STK31: variants seen among roughly 807,000 people sequenced by gnomAD.
The protein encoded by STK31 is serine/threonine kinase 31.
STK31 carries 89 observed loss-of-function variants against 129.7 expected under a neutral mutation model. The ratio of observed to expected loss-of-function variants is 0.69; its 90% confidence interval spans 0.58 to 0.82. STK31 has a LOEUF of 0.82. Among genes scored for constraint, STK31 ranks in the 40% least tolerant of loss-of-function variants. The pLI is 0.00. For missense variants in STK31, 1,187 were observed against 1,176.4 expected (o/e 1.01, Z -0.13); for synonymous variants, 448 against 395.3 (o/e 1.13, Z -1.58).
At chr7:23,710,808 G>T (rs1785908747) in intron 1 of STK31, 2 of 1,010,554 alleles carry the variant, frequency 2.0e-6, no homozygotes, top group African/African-American at 1.7e-5. Context: ...AACTACTCTA[G>T]AAGTAGCTTC....
chr7:23,831,834 C>T (rs375073259), intron 23 of STK31, among the ~76,000 whole-genome samples: 2 of 152,258 alleles, frequency 1.3e-5, no homozygotes, highest in East Asian at 3.9e-4. Context: ...CTGTGTTGGC[C>T]AGGCTAGTCT....
intron 6 of STK31, among the ~76,000 whole-genome samples, chr7:23,731,944 A>G (rs1787457777): frequency 6.6e-6 from 1 of 152,252 alleles, no homozygotes; most frequent in African/African-American, 2.4e-5. Context: ...ATATATTTCT[A>G]AAAAGTGACA....
At chr7:23,727,808 C>T (rs1273478429) in intron 5 of STK31, among the ~76,000 whole-genome samples, 1 of 151,812 alleles carries the variant, frequency 6.6e-6, no homozygotes, top group African/African-American at 2.4e-5. Flanking sequence ...GATCCGTCCG[C>T]CTCAGCCTCC....
chr7:23,761,849 A>G (rs1327853523), intron 10 of STK31, among the ~76,000 whole-genome samples: 1 of 148,404 alleles, frequency 6.7e-6, no homozygotes, highest in Non-Finnish European at 1.5e-5. Context: ...TAGTTTTATA[A>G]TGTATTTTAT....
chr7:23,770,629 TAG>T (rs888662971), intron 13 of STK31, among the ~76,000 whole-genome samples: 10 of 152,286 alleles, frequency 6.6e-5, no homozygotes, highest in African/African-American at 2.4e-4. Flanking sequence ...TTGCTTTTTT[TAG>T]AGAGACAGTG....
chr7:23,828,970 G>T (rs1351238200), intron 23 of STK31, among the ~76,000 whole-genome samples: 1 of 151,726 alleles, frequency 6.6e-6, no homozygotes, highest in Non-Finnish European at 1.5e-5. Flanking sequence ...CGTGATCTCA[G>T]CGCGCTGCAA....
At chr7:23,743,899 G>C (rs971538294) in intron 8 of STK31, among the ~76,000 whole-genome samples, 3 of 150,912 alleles carry the variant, frequency 2.0e-5, no homozygotes, top group Non-Finnish European at 4.4e-5. Context: ...TCTTTCTTCT[G>C]TTTGATCTAG....
intron 22 of STK31, among the ~76,000 whole-genome samples, chr7:23,797,141 C>A (rs1331624821): frequency 6.6e-6 from 1 of 152,160 alleles, no homozygotes; most frequent in Non-Finnish European, 1.5e-5. Flanking sequence ...TACAAAGAGA[C>A]TTAGACTCCC....
At chr7:23,776,762 A>T (rs13311364) in intron 15 of STK31, among the ~76,000 whole-genome samples, 2 of 152,126 alleles carry the variant, frequency 1.3e-5, no homozygotes, top group Non-Finnish European at 2.9e-5. Context: ...ATCTTTTCAA[A>T]AAACCAACTC....
Position 23,769,628 on chromosome 7 carries a change from T to A in STK31, c.1597-12T>A. 1 of 1,561,780 alleles carries A rather than the reference T, an allele frequency of 6.4e-7. No homozygotes were observed. Among genetic ancestry groups the A allele is most frequent in the South Asian group, 1.1e-5 (1 of 88,104 alleles). On this transcript the variant is annotated splice_polypyrimidine_tract_variant and intron_variant, in intron 12 of 23. Coordinates refer to ENST00000355870, the MANE Select transcript of STK31 (RefSeq NM_031414.5). ...AAATGAGATATTTCATGTGTTTATTTTTGCAAATGAGGTTTTTGACCTATC... is the reference window on the plus strand; with the variant it reads ...AAATGAGATATTTCATGTGTTTATTATTGCAAATGAGGTTTTTGACCTATC...
intron 23 of STK31, among the ~76,000 whole-genome samples, chr7:23,827,329 C>G (rs1349203643): frequency 6.6e-6 from 1 of 152,110 alleles, no homozygotes; most frequent in African/African-American, 2.4e-5. Context: ...CTTCTCTTCA[C>G]ACTTCATTTC....
At chr7:23,728,655 C>T (rs924507234) in intron 5 of STK31, among the ~76,000 whole-genome samples, 4 of 152,076 alleles carry the variant, frequency 2.6e-5, no homozygotes, top group African/African-American at 7.2e-5. Flanking sequence ...ACATGGTCTA[C>T]CTGGAGTGAG....
In STK31 at chr7:23,815,177, A is replaced by G. The variant is rs370241155; in HGVS notation, c.2794A>G (p.Lys932Glu). ...SVQNQEFEIN[K>E]DGIPKVDQFH... ...TCAAAATCAGGAGTTTGAGATAAAT[A>G]AAGATGGAATCCCCAAAGTGGATCA... is the stretch of plus-strand genomic sequence containing the variant. The change falls in exon 23 of 24, where the codon AAA becomes GAA. Residue 932 changes from lysine to glutamate, a missense_variant. Coordinates refer to ENST00000355870, the MANE Select transcript of STK31 (RefSeq NM_031414.5). 6 of 1,600,470 alleles carry G rather than the reference A, an allele frequency of 3.7e-6. No individual in the cohort carries two copies. In the African/African-American group the frequency reaches 8.1e-5, roughly 22 times the overall value.
chr7:23,796,622 G>A (rs1165851203), intron 22 of STK31, among the ~76,000 whole-genome samples: 1 of 152,132 alleles, frequency 6.6e-6, no homozygotes, highest in Non-Finnish European at 1.5e-5. Flanking sequence ...CAGCCAGGAT[G>A]CAGAACAGTT....
At chr7:23,757,654 G>C (rs199972464) in intron 10 of STK31, among the ~76,000 whole-genome samples, 2 of 151,942 alleles carry the variant, frequency 1.3e-5, no homozygotes, top group African/African-American at 4.8e-5. Context: ...GTTTTACACC[G>C]AGACATTCCA....
At chr7:23,750,871 G>A (rs887359026) in intron 8 of STK31, among the ~76,000 whole-genome samples, 5 of 152,108 alleles carry the variant, frequency 3.3e-5, no homozygotes, top group Admixed American at 1.3e-4. Context: ...TATCATTTCT[G>A]TGTGTTGGGA....
intron 11 of STK31, 33 bp downstream of exon 11, chr7:23,762,956 A>G: frequency 6.7e-7 from 1 of 1,492,700 alleles, no homozygotes; most frequent in Non-Finnish European, 9.0e-7. Flanking sequence ...ATATACGTTA[A>G]ATTGTAAGTT....
Position 23,746,344 on chromosome 7 carries a change from A to G in STK31, c.1018-6373A>G, listed in dbSNP as rs539509386. ...CTGGGGTCTCTCATTTACCCCTTCT[A>G]TGCATTGAGGAGCCTGTCCAGGCTC... On this transcript the variant is annotated intron_variant, in intron 8 of 23. Coordinates refer to ENST00000355870, the MANE Select transcript of STK31 (RefSeq NM_031414.5). Among the ~76,000 whole-genome samples the G allele has an allele frequency of 2.0e-4, 31 of 152,188 alleles. No homozygotes were observed. In the South Asian group the frequency reaches 6.2e-3, roughly 31 times the overall value.
intron 22 of STK31, among the ~76,000 whole-genome samples, chr7:23,793,204 G>C (rs1791747232): frequency 6.6e-6 from 1 of 152,216 alleles, no homozygotes. Context: ...CATATGTAGA[G>C]AATAAATTTT....
Sources: gnomAD v4.1 joint callset for allele counts (sites outside exome capture counted in the v4.1 genomes callset) on GRCh38, gnomAD v4.1.1 for gene constraint, MANE v1.5 for transcripts, NCBI Gene and HGNC (gene_info 2026-07-23, HGNC 2026-07-21) for gene names.